The following DAB1 variants were observed in gnomAD, a reference collection of about 807,000 sequenced individuals.
DAB1 encodes the protein DAB adaptor protein 1.
DAB1 carries 15 observed loss-of-function variants against 64.6 expected under a neutral mutation model. The ratio of observed to expected loss-of-function variants is 0.23; its 90% CI spans 0.16 to 0.36. The LOEUF is 0.36. Among genes scored for constraint, DAB1 ranks in the 10% least tolerant of loss-of-function variants. DAB1 has a pLI of 1.00. For missense variants in DAB1, 596 were observed against 706.7 expected (o/e 0.84, Z 1.78); for synonymous variants, 235 against 251.9 (o/e 0.93, Z 0.64).
chr1:57,437,896 T>C (rs1266123031), intron 7 of DAB1, among the ~76,000 whole-genome samples: 2 of 152,248 alleles, frequency 1.3e-5, no homozygotes, highest in Admixed American at 1.3e-4. Flanking sequence ...GGCAAGACTC[T>C]GGCATAGAAG....
intron 7 of DAB1, among the ~76,000 whole-genome samples, chr1:57,459,757 T>G (rs1266319127): frequency 1.3e-5 from 2 of 152,200 alleles, no homozygotes; most frequent in African/African-American, 4.8e-5. Flanking sequence ...ACTGAGCCAA[T>G]GCTGTTCTCA....
intron 7 of DAB1, among the ~76,000 whole-genome samples, chr1:57,438,835 C>G (rs1267648379): frequency 6.6e-6 from 1 of 152,108 alleles, no homozygotes; most frequent in African/African-American, 2.4e-5. Context: ...ATAAAAGTAC[C>G]TATATTTTTG....
intron 6 of DAB1, among the ~76,000 whole-genome samples, chr1:57,735,559 G>A (rs1302650803): frequency 6.7e-6 from 1 of 148,956 alleles, no homozygotes; most frequent in Non-Finnish European, 1.5e-5. Context: ...AGACAAAAGA[G>A]TGAATCCACT....
At chr1:57,064,673 T>C (rs1650730227) in intron 8 of DAB1, among the ~76,000 whole-genome samples, 2 of 152,200 alleles carry the variant, frequency 1.3e-5, no homozygotes, top group African/African-American at 2.4e-5. Flanking sequence ...ATTTGACTGC[T>C]ATACTATTCA....
At chr1:58,269,445 T>C (rs1361141510) in intron 4 of DAB1, among the ~76,000 whole-genome samples, 1 of 150,452 alleles carries the variant, frequency 6.6e-6, no homozygotes, top group Non-Finnish European at 1.5e-5. Flanking sequence ...TCCAAGTCTT[T>C]GCTATTGTGA....
rs1424873191 is a variant in DAB1 at position 57,636,106 on chromosome 1, A to AAAC, written n.625+13485_625+13486insGTT. ...AGCGAGACACGGTCTCAAAAAAAAA[A>AAAC]AAAAAAACAAAAACAAAAAACTGGT... is the stretch of plus-strand genomic sequence containing the variant. On this transcript the variant is annotated intron_variant and non_coding_transcript_variant, in intron 7 of 20. Transcript: ENST00000485760. 8.0e-5 allele frequency among the ~76,000 whole-genome samples: 12 copies of AAAC among 149,828 alleles called. 1 individual carries two copies. Among genetic ancestry groups the AAAC allele is most frequent in the South Asian group, 6.3e-4 (3 of 4,766 alleles).
rs150140800 is a variant in DAB1, at chr1:57,951,317, C to CAT, written n.388-67157_388-67156dup. On this transcript the variant is annotated intron_variant and non_coding_transcript_variant, in intron 5 of 20. Coordinates refer to the DAB1 transcript ENST00000485760. ...CAGATCCGGGAAGAGGAGCCTGATT[C>CAT]ATATATATATATATACTTCCCTGGA... Among the ~76,000 whole-genome samples, 293 of 69,776 alleles carry CAT rather than the reference C, an allele frequency of 4.2e-3. 62 individuals carry two copies. The highest frequency in any genetic ancestry group is 8.5e-3 in the Middle Eastern group (1 of 118). 45.8% of individuals were successfully genotyped at this position (69,776 alleles called of 152,430 possible).
chr1:58,071,845 T>A (rs1376730126), intron 5 of DAB1, among the ~76,000 whole-genome samples: 1 of 152,150 alleles, frequency 6.6e-6, no homozygotes, highest in Non-Finnish European at 1.5e-5. Flanking sequence ...AACTTGTGAA[T>A]TCATCATTCA....
At position 57,320,650 on chromosome 1, in the gene DAB1, AC is replaced by A. The variant is rs534530014; in HGVS notation, c.-136-29485del. Among the ~76,000 whole-genome samples, 480 of 152,302 alleles carry A rather than the reference AC, an allele frequency of 3.2e-3. 4 individuals are homozygous for A. Among genetic ancestry groups the A allele is most frequent in the Middle Eastern group, 0.017 (5 of 294 alleles). The stretch of plus-strand genomic sequence containing the variant: ...GATTATAAAATCAACACCAATTCCT[AC>A]AATAAGGACCCCAAGGCACAAGTTT... On this transcript the variant is annotated intron_variant, in intron 1 of 14. Coordinates refer to ENST00000371236, the MANE Select transcript of DAB1 (RefSeq NM_001365792.1).
At chr1:57,059,348 C>A (rs1343425651) in intron 9 of DAB1, among the ~76,000 whole-genome samples, 2 of 152,064 alleles carry the variant, frequency 1.3e-5, no homozygotes, top group Non-Finnish European at 2.9e-5. Context: ...TCTGTGCAGA[C>A]CTAAACCTGA....
intron 7 of DAB1, among the ~76,000 whole-genome samples, chr1:57,483,748 C>T (rs1465751043): frequency 6.6e-6 from 1 of 152,054 alleles, no homozygotes; most frequent in Non-Finnish European, 1.5e-5. Flanking sequence ...GTTCTGACTC[C>T]ACTTCCAGGG....
intron 3 of DAB1, among the ~76,000 whole-genome samples, chr1:58,395,478 T>C (rs1331286538): frequency 6.6e-6 from 1 of 152,220 alleles, no homozygotes; most frequent in Non-Finnish European, 1.5e-5. Flanking sequence ...TGATACCATA[T>C]GTGGACGCTT....
intron 4 of DAB1, among the ~76,000 whole-genome samples, chr1:58,208,562 A>G (rs1315188600): frequency 1.3e-5 from 2 of 152,074 alleles, no homozygotes; most frequent in Admixed American, 1.3e-4. Flanking sequence ...TCCATTCCCG[A>G]GTTGCTTCAC....
intron 5 of DAB1, among the ~76,000 whole-genome samples, chr1:57,973,816 T>C (rs1438754156): frequency 6.6e-6 from 1 of 152,162 alleles, no homozygotes; most frequent in Non-Finnish European, 1.5e-5. Context: ...CTCCAAGCAG[T>C]CTCTGTCACC....
At chr1:58,360,519 C>T (rs1644155459) in intron 3 of DAB1, among the ~76,000 whole-genome samples, 1 of 152,032 alleles carries the variant, frequency 6.6e-6, no homozygotes, top group African/African-American at 2.4e-5. Context: ...TTTTTATCTG[C>T]CTTTAGACTG....
intron 3 of DAB1, among the ~76,000 whole-genome samples, chr1:58,475,918 T>TA (rs1445272453): frequency 1.3e-5 from 2 of 152,140 alleles, no homozygotes; most frequent in African/African-American, 2.4e-5. Flanking sequence ...AATAGTTACT[T>TA]AAAAAAATAC....
intron 2 of DAB1, among the ~76,000 whole-genome samples, chr1:57,161,591 AC>A (rs1660753446): frequency 6.6e-6 from 1 of 152,140 alleles, no homozygotes; most frequent in Non-Finnish European, 1.5e-5. Flanking sequence ...AGTGAATATG[AC>A]CTTTTTTCCA....
intron 7 of DAB1, among the ~76,000 whole-genome samples, chr1:57,463,345 A>G (rs1686850588): frequency 6.6e-6 from 1 of 152,230 alleles, no homozygotes; most frequent in Non-Finnish European, 1.5e-5. Flanking sequence ...GAAAATATCC[A>G]TATTATAAAA....
At chr1:58,079,594 C>A (rs1471795017) in intron 5 of DAB1, among the ~76,000 whole-genome samples, 1 of 135,152 alleles carries the variant, frequency 7.4e-6, no homozygotes, top group Non-Finnish European at 1.5e-5. Flanking sequence ...GCAATCTCGG[C>A]TCACTGCAAC....
Sources: gnomAD v4.1 joint callset for allele counts (sites outside exome capture counted in the v4.1 genomes callset) on GRCh38, gnomAD v4.1.1 for gene constraint, MANE v1.5 for transcripts, NCBI Gene and HGNC (gene_info 2026-07-23, HGNC 2026-07-21) for gene names.